HTR4: variants seen among roughly 807,000 people sequenced by gnomAD.
The protein encoded by HTR4 is 5-hydroxytryptamine receptor 4, also known as 5-hydroxytryptamine (serotonin) receptor 4, G protein-coupled.
HTR4 carries 16 observed loss-of-function variants against 36.8 expected under a neutral mutation model. The ratio of observed to expected loss-of-function variants is 0.43; its 90% CI spans 0.29 to 0.66. HTR4 has a LOEUF of 0.66. HTR4 is among the 30% of genes least tolerant of loss of function. HTR4 has a pLI of 0.13. For synonymous variants in HTR4, 189 were observed against 185.1 expected, an observed-to-expected ratio of 1.02 and a Z score of -0.17; for missense variants, 438 against 490.9, an observed-to-expected ratio of 0.89 and a Z score of 1.02.
At chr5:148,521,596 T>C (rs1282382053) in intron 5 of HTR4, among the ~76,000 whole-genome samples, 3 of 151,934 alleles carry the variant, frequency 2.0e-5, no homozygotes, top group African/African-American at 7.3e-5. Context: ...CTGGTAAACA[T>C]CCATAATCAC....
intron 5 of HTR4, among the ~76,000 whole-genome samples, chr5:148,468,719 G>A (rs1193495413): frequency 6.6e-6 from 1 of 152,190 alleles, no homozygotes; most frequent in African/African-American, 2.4e-5. Context: ...ATGCTGAAGA[G>A]TCTTGATATG....
chr5:148,474,904 G>T (rs1361516681), downstream of HTR4, among the ~76,000 whole-genome samples: 1 of 152,062 alleles, frequency 6.6e-6, no homozygotes, highest in Non-Finnish European at 1.5e-5. Context: ...AAATTAGCCG[G>T]GTGTGGAGGC....
intron 1 of HTR4, among the ~76,000 whole-genome samples, chr5:148,642,509 A>G (rs1407951142): frequency 1.3e-5 from 2 of 152,192 alleles, no homozygotes; most frequent in African/African-American, 4.8e-5. Flanking sequence ...AGAATTACCT[A>G]TCCAAAGGCT....
At chr5:148,580,834 T>G (rs1432130473) in intron 2 of HTR4, among the ~76,000 whole-genome samples, 1 of 152,058 alleles carries the variant, frequency 6.6e-6, no homozygotes, top group South Asian at 2.1e-4. Context: ...AACATGGGAG[T>G]GCGGATATCT....
intron 5 of HTR4, chr5:148,520,977 A>C (rs752862778): frequency 1.5e-6 from 2 of 1,367,750 alleles, no homozygotes; most frequent in Admixed American, 3.8e-5. Flanking sequence ...GAAAAAGAAC[A>C]AGGCAGGACT....
chr5:148,602,287 T>G (rs969430232), intron 2 of HTR4, among the ~76,000 whole-genome samples: 6 of 152,130 alleles, frequency 3.9e-5, no homozygotes, highest in Non-Finnish European at 8.8e-5. Context: ...ATACAGCTTT[T>G]TACATGTCAA....
intron 2 of HTR4, among the ~76,000 whole-genome samples, chr5:148,595,802 A>G (rs1761743288): frequency 6.6e-6 from 1 of 152,248 alleles, no homozygotes; most frequent in South Asian, 2.1e-4. Context: ...GATATAAATT[A>G]TAAAAATGAT....
chr5:148,466,042 C>A, intron 5 of HTR4: 1 of 1,522,418 alleles, frequency 6.6e-7, no homozygotes, highest in Admixed American at 2.2e-5. Context: ...CCTAAATAAG[C>A]TTGCCAATAT....
chr5:148,634,322 G>A (rs1430035709), intron 2 of HTR4, among the ~76,000 whole-genome samples: 3 of 152,142 alleles, frequency 2.0e-5, no homozygotes, highest in Non-Finnish European at 4.4e-5. Flanking sequence ...ACACAGGAAT[G>A]TCAGACATCT....
intron 2 of HTR4, among the ~76,000 whole-genome samples, chr5:148,565,428 T>C (rs756263643): frequency 1.3e-5 from 2 of 152,052 alleles, no homozygotes; most frequent in Non-Finnish European, 2.9e-5. Context: ...CAGACACAAC[T>C]GGTAGAAAAC....
intron 5 of HTR4, among the ~76,000 whole-genome samples, chr5:148,458,061 A>AT (rs1561558790): frequency 2.2e-5 from 3 of 137,670 alleles, no homozygotes; most frequent in African/African-American, 5.3e-5. Context: ...ATTATATTTT[A>AT]AGATCTATTT....
At chr5:148,555,941 C>T (rs1035176799) in intron 2 of HTR4, among the ~76,000 whole-genome samples, 4 of 144,172 alleles carry the variant, frequency 2.8e-5, no homozygotes, top group African/African-American at 1.1e-4. Flanking sequence ...TTAGGTTATA[C>T]TTTGTCACAC....
At chr5:148,587,006 T>C (rs1465292688) in intron 2 of HTR4, among the ~76,000 whole-genome samples, 1 of 152,160 alleles carries the variant, frequency 6.6e-6, no homozygotes, top group African/African-American at 2.4e-5. Context: ...AACACTTGCA[T>C]GTGGATGCCT....
At chr5:148,579,956 C>A (rs989242730) in intron 2 of HTR4, among the ~76,000 whole-genome samples, 51 of 151,958 alleles carry the variant, frequency 3.4e-4, no homozygotes, top group Admixed American at 3.1e-3. Context: ...GATTTTGGAA[C>A]CTTAATATTA....
intron 5 of HTR4, among the ~76,000 whole-genome samples, chr5:148,455,637 C>T (rs549407133): frequency 2.0e-5 from 3 of 152,172 alleles, no homozygotes; most frequent in South Asian, 4.2e-4. Flanking sequence ...TACAGTTGAT[C>T]GTTGAACAGT....
At chr5:148,583,430 A>G (rs1398637410) in intron 2 of HTR4, among the ~76,000 whole-genome samples, 1 of 150,640 alleles carries the variant, frequency 6.6e-6, no homozygotes, top group African/African-American at 2.5e-5. Flanking sequence ...AACTTAAAGT[A>G]TAATAATAAT....
intron 2 of HTR4, among the ~76,000 whole-genome samples, chr5:148,622,334 T>G (rs1752945782): frequency 6.6e-6 from 1 of 152,242 alleles, no homozygotes; most frequent in South Asian, 2.1e-4. Context: ...CATGTACCTG[T>G]TATGTTTCTC....
intron 6 of HTR4, 68 bp from the exon 7 acceptor site, chr5:148,483,361 G>T: frequency 7.1e-7 from 1 of 1,404,356 alleles, no homozygotes; most frequent in Non-Finnish European, 9.9e-7. Context: ...TCCTGAAAGA[G>T]CCCACCTGCA....
At chr5:148,496,484 T>TA (rs1756691441) in intron 6 of HTR4, among the ~76,000 whole-genome samples, 1 of 152,200 alleles carries the variant, frequency 6.6e-6, no homozygotes, top group Non-Finnish European at 1.5e-5. Context: ...TTGGGATATT[T>TA]ATTAAGAAAA....
Sources: gnomAD v4.1 joint callset for allele counts (sites outside exome capture counted in the v4.1 genomes callset) on GRCh38, gnomAD v4.1.1 for gene constraint, MANE v1.5 for transcripts, NCBI Gene and HGNC (gene_info 2026-07-23, HGNC 2026-07-21) for gene names.